Variants in DHX58 observed in about 807,000 individuals in gnomAD.
The protein encoded by DHX58 is ATP-dependent RNA helicase DHX58.
Under a neutral mutation model 65.0 loss-of-function variants are expected in DHX58, and 51 were observed. That is an observed-to-expected ratio of 0.78 (90% CI 0.63 to 0.99). The LOEUF is 0.99. Among genes scored for constraint, DHX58 ranks in the 50% least tolerant of loss-of-function variants. The probability of loss-of-function intolerance (pLI) is 0.00; values close to 1 mark genes in which losing one functional copy is unlikely to be tolerated. For missense variants in DHX58, 773 were observed against 891.8 expected, an observed-to-expected ratio of 0.87 and a Z score of 1.70; for synonymous variants, 350 against 365.0, an observed-to-expected ratio of 0.96 and a Z score of 0.47.
In DHX58 at chr17:42,105,112, A is replaced by G; in HGVS notation, c.1307T>C (p.Val436Ala). The G allele has an allele frequency of 6.2e-7, 1 of 1,614,024 alleles. No individual in the cohort carries two copies. Residue 436 changes from valine to alanine, a missense_variant, in exon 10 of 14, where the codon GTG becomes GCG. Physicochemically the swap from Val to Ala is moderately conservative, Grantham distance 64. Coordinates refer to ENST00000251642, the MANE Select transcript of DHX58 (RefSeq NM_024119.3). ...KFQDGTLNLL[V>A]ATSVAEEGLD... ...CCCCTCCTCCGCCACACTCGTGGCC[A>G]CCAGAAGGTTCAGGGTTCCATCTTG...
chr17:42,112,385 G>T, intron 1 of DHX58, 180 bp from the exon 2 acceptor site: 1 of 296,918 alleles, frequency 3.4e-6, no homozygotes. Flanking sequence ...CCCATTGGTA[G>T]GGCCACAGCT....
At chr17:42,101,994 T>A in intron 13 of DHX58, 48 bp from the exon 14 acceptor site, 1 of 1,551,606 alleles carries the variant, frequency 6.4e-7, no homozygotes. Flanking sequence ...GGCCTCAGAC[T>A]GGGCTTCTCT....
In DHX58 at chr17:42,107,986, C is replaced by T. The variant is rs2054091275; in HGVS notation, c.801G>A (p.Glu267=). ...CAGAAGGGCTGCCCCTCTCACCAGC[C>T]TCACTCAGCTTCACCACCTGCTGCT... ...MYEQQVVKLS[E]AAALAGLQEQ... The change falls in exon 7 of 14, where the codon GAG becomes GAA. Residue 267 remains glutamate, a synonymous_variant. Transcript: ENST00000251642. The T allele has an allele frequency of 5.6e-6, 9 of 1,614,100 alleles. No individual in the cohort carries two copies. The highest frequency in any genetic ancestry group is 6.8e-6 in the Non-Finnish European group (8 of 1,180,050).
intron 9 of DHX58, 145 bp from the exon 10 acceptor site, chr17:42,105,312 C>A: frequency 1.9e-6 from 2 of 1,077,424 alleles, no homozygotes; most frequent in Non-Finnish European, 2.6e-6. Flanking sequence ...CCATCTTTAT[C>A]CCCAGGTACC....
In DHX58 at chr17:42,107,685, G is replaced by A. The variant is rs1555663051; in HGVS notation, c.916C>T (p.Leu306=). The A allele has an allele frequency of 6.2e-7, 1 of 1,612,952 alleles. No individual in the cohort carries two copies. Among genetic ancestry groups the A allele is most frequent in the East Asian group, 2.2e-5 (1 of 44,838 alleles). Residue 306 remains leucine (L), a synonymous_variant, in exon 8 of 14, where the codon CTG becomes TTG. Coordinates refer to ENST00000251642, the MANE Select transcript of DHX58 (RefSeq NM_024119.3). ...TVRAVDALAA[L]QDFYHREHVT... ...TGCTCCCTGTGATAGAAATCCTGCA[G>A]CGCAGCCAAGGCATCCACGGCGCGG...
At chr17:42,106,117 C>T in intron 8 of DHX58, 128 bp from the exon 9 acceptor site, 1 of 870,156 alleles carries the variant, frequency 1.1e-6, no homozygotes, top group Non-Finnish European at 1.7e-6. Flanking sequence ...TATGATTGCA[C>T]CACTGCACTC....
rs1170560197 is a variant in DHX58, at chr17:42,111,666, C to T, written c.168+59G>A. The T allele has an allele frequency of 5.1e-6, 8 of 1,575,282 alleles. No homozygotes were observed. The African/African-American group carries it at 9.4e-5, about 19-fold the overall frequency. ...GAGTTCTGGTGGGGACTGGGAGATG[C>T]CTGAAGAGCTAAGACCCTGCTTGGT... On this transcript the variant is annotated intron_variant, in intron 3 of 13. Coordinates refer to ENST00000251642, the MANE Select transcript of DHX58 (RefSeq NM_024119.3).
chr17:42,111,872 T>C lies in DHX58; in HGVS notation c.21A>G (p.Gln7=), dbSNP rs369105143. The change falls in exon 3 of 14, where the codon CAA becomes CAG. Residue 7 remains glutamine, a synonymous_variant. Transcript: ENST00000251642. The part of the protein sequence containing the change: MELRSY[Q]WEVIMPALEG... ...CCAGGGCAGGCATGATCACCTCCCA[T>C]TGGTAGGACCGAAGCTCCATTCTGG... The C allele has an allele frequency of 1.9e-6, 3 of 1,611,728 alleles. No individual in the cohort carries two copies. The highest frequency in any genetic ancestry group is 2.5e-6 in the Non-Finnish European group (3 of 1,178,500).
At chr17:42,106,151 T>G (rs1598216503) in intron 8 of DHX58, among the ~76,000 whole-genome samples, 162 bp from the exon 9 acceptor site, 1 of 136,858 alleles carries the variant, frequency 7.3e-6, no homozygotes, top group African/African-American at 2.8e-5. Flanking sequence ...AGAGTGAGAC[T>G]CTGTCTGGGA....
intron 5 of DHX58, among the ~76,000 whole-genome samples, chr17:42,110,366 C>A (rs2144010521): frequency 6.6e-6 from 1 of 152,184 alleles, no homozygotes; most frequent in East Asian, 1.9e-4. Context: ...AAGGGAAGCG[C>A]ATTCTAGGCA....
chr17:42,104,809 A>G lies in DHX58; in HGVS notation c.1520T>C (p.Val507Ala), dbSNP rs545100093. The G allele has an allele frequency of 6.2e-7, 1 of 1,614,114 alleles. No homozygotes were observed. Among genetic ancestry groups the G allele is most frequent in the African/African-American group, 1.3e-5 (1 of 75,048 alleles). ...EALETLMEQA[V>A]AAVQKMDQAE... ...CTGGTCCATTTTCTGCACAGCAGCC[A>G]CTGCCTGCTCCATCAGCGTCTCCAG... is the stretch of plus-strand genomic sequence containing the variant. Residue 507 changes from valine (V) to alanine (A), a missense_variant, in exon 11 of 14, where the codon GTG becomes GCG. Transcript: ENST00000251642.
chr17:42,111,032 G>A (rs1023452438), intron 4 of DHX58, 119 bp from the exon 5 acceptor site: 82 of 1,232,330 alleles, frequency 6.7e-5, no homozygotes, highest in Non-Finnish European at 7.9e-5. Context: ...CCTGCAGCTG[G>A]TCCCAGGATG....
chr17:42,101,871 G>C lies in DHX58; in HGVS notation c.1927C>G (p.Pro643Ala). ...LKVRSMLLETPQGRIQAKKWS... is the reference protein window; with the variant it reads ...LKVRSMLLETAQGRIQAKKWS... ...TTTTTGGCCTGGATCCGCCCCTGAGGGGTCTCCAGCAGCATGCTGCGGACT... is the reference window on the plus strand; with the variant it reads ...TTTTTGGCCTGGATCCGCCCCTGAGCGGTCTCCAGCAGCATGCTGCGGACT... Residue 643 changes from proline to alanine, a missense_variant, in exon 14 of 14, where the codon CCT (proline) becomes GCT (alanine). Pro to Ala is a conservative substitution (Grantham distance 27). Coordinates refer to ENST00000251642, the MANE Select transcript of DHX58 (RefSeq NM_024119.3). 6.2e-7 allele frequency: 1 copy of C among 1,614,220 alleles called. No homozygotes were observed. Among genetic ancestry groups the C allele is most frequent in the Non-Finnish European group, 8.5e-7 (1 of 1,180,034 alleles).
At chr17:42,110,633 G>A in intron 5 of DHX58, 90 bp downstream of exon 5, 3 of 1,431,736 alleles carry the variant, frequency 2.1e-6, no homozygotes, top group Non-Finnish European at 2.8e-6. Flanking sequence ...TGGTAGGGCT[G>A]GTGGGGACGG....
At position 42,105,056 on chromosome 17, in the gene DHX58, G is replaced by A. The variant is rs782193505; in HGVS notation, c.1363C>T (p.Arg455Cys). 1.4e-5 allele frequency: 22 copies of A among 1,613,552 alleles called. No individual in the cohort carries two copies. Among genetic ancestry groups the A allele is most frequent in the African/African-American group, 4.0e-5 (3 of 74,896 alleles). Residue 455 changes from arginine to cysteine, a missense_variant, in exon 10 of 14, where the codon CGT becomes TGT. By Grantham distance (180) the Arg-to-Cys change is radical (BLOSUM62 -3). Transcript: ENST00000251642. ...ATTTCATTGGTCAAGAGCCCATAACGCACCACCACATTGCAATGTGGGATG... is the reference window on the plus strand; with the variant it reads ...ATTTCATTGGTCAAGAGCCCATAACACACCACCACATTGCAATGTGGGATG... ...LDIPHCNVVV[R>C]YGLLTNEISM...
At chr17:42,103,449 T>G in intron 12 of DHX58, 159 bp downstream of exon 12, 1 of 914,844 alleles carries the variant, frequency 1.1e-6, no homozygotes, top group Non-Finnish European at 1.6e-6. Flanking sequence ...TTTCCTTGCC[T>G]GTAAAATGGA....
Position 42,111,324 on chromosome 17 carries a change from G to A in DHX58, c.342C>T (p.Pro114=), listed in dbSNP as rs1555664125. The change falls in exon 4 of 14, where the codon CCC becomes CCT. Residue 114 remains proline (P), a synonymous_variant. Transcript: ENST00000251642. The part of the protein sequence containing the change: ...AELLQMALTS[P]EEEEHVELTV... ...TGAGCTCCACGTGCTCCTCCTCCTC[G>A]GGGCTGGTCAGTGCCATCTGCAGAA... 2.5e-6 allele frequency: 4 copies of A among 1,613,604 alleles called. No individual in the cohort carries two copies. The Admixed American group carries it at 5.0e-5, about 20-fold the overall frequency.
rs782072229 is a variant in DHX58 at position 42,109,263 on chromosome 17, C to T, written c.678+7G>A. Reference sequence around the variant, plus strand: ...CCCGCTCTCGCCGTGTCCCTGCCCCCGCGTACCTGGCTGCGCCTGTGGCAG... The same window carrying T: ...CCCGCTCTCGCCGTGTCCCTGCCCCTGCGTACCTGGCTGCGCCTGTGGCAG... On this transcript the variant is annotated splice_region_variant and intron_variant, in intron 6 of 13. Transcript: ENST00000251642. 27 of 1,608,060 alleles carry T rather than the reference C, an allele frequency of 1.7e-5. No individual in the cohort carries two copies. In the South Asian group the frequency reaches 2.2e-4, roughly 13 times the overall value.
rs1261780634 is a variant in DHX58, at chr17:42,104,962, C to T, written c.1402-35G>A. ...GAGACAAGGGGTGTCCTGAGTTGGG[C>T]TGGGGCCCCACACAGGATCCTATAA... On this transcript the variant is annotated intron_variant, in intron 10 of 13. Transcript: ENST00000251642. 4 of 1,613,018 alleles carry T rather than the reference C, an allele frequency of 2.5e-6. No individual in the cohort carries two copies. In the African/African-American group the frequency reaches 5.3e-5, roughly 22 times the overall value.
Sources: allele counts gnomAD v4.1 joint callset (sites outside exome capture counted in the v4.1 genomes callset), GRCh38; gene constraint gnomAD v4.1.1; transcripts MANE v1.5; gene names NCBI Gene and HGNC (gene_info 2026-07-23, HGNC 2026-07-21).